Variants in ZNF581 observed in about 807,000 individuals in gnomAD.
ZNF581 encodes the protein zinc finger protein 581.
A neutral mutation model predicts 1.2 loss-of-function variants in ZNF581; 1 was observed. That is an observed-to-expected ratio of 0.83 (90% CI 0.30 to 3.95). ZNF581 has a LOEUF of 3.95. Ranked by LOEUF, ZNF581 falls within the 30% of genes most tolerant of loss-of-function variation. The probability of loss-of-function intolerance (pLI) is 0.18; values close to 1 mark genes in which losing one functional copy is unlikely to be tolerated. For missense variants in ZNF581, 273 were observed against 274.6 expected, an observed-to-expected ratio of 0.99 and a Z score of 0.04; for synonymous variants, 105 against 109.2, an observed-to-expected ratio of 0.96 and a Z score of 0.24.
At chr19:55,640,983 T>A, upstream of ZNF581, 1 of 985,334 alleles carries the variant, frequency 1.0e-6, no homozygotes, top group Non-Finnish European at 1.2e-6. Flanking sequence ...CGCACTGGGC[T>A]CGCGCGCTTC....
At position 55,644,840 on chromosome 19, in the gene ZNF581, C is replaced by T; in HGVS notation, c.269C>T (p.Pro90Leu). 6.2e-7 allele frequency: 1 copy of T among 1,612,930 alleles called. No homozygotes were observed. The highest frequency in any genetic ancestry group is 8.5e-7 in the Non-Finnish European group (1 of 1,178,986). ...GGCCAGAAAAAGTGCTACAGCTGCCCCGTGTGCTCAAGGGTCTTCGAGTAC... is the reference window on the plus strand; with the variant it reads ...GGCCAGAAAAAGTGCTACAGCTGCCTCGTGTGCTCAAGGGTCTTCGAGTAC... ...APGQKKCYSCPVCSRVFEYMS... is the reference protein window; with the variant it reads ...APGQKKCYSCLVCSRVFEYMS... The change falls in exon 2 of 2, where the codon CCC becomes CTC. Residue 90 changes from proline to leucine, a missense_variant. Transcript: ENST00000270451. The surrounding 1 kb of genome is among the most constrained non-coding windows in gnomAD (Gnocchi z 4.3).
In ZNF581 at chr19:55,644,195, G is replaced by A. The variant is rs1259393720; in HGVS notation, c.-19-358G>A. On this transcript the variant is annotated intron_variant, in intron 1 of 1. Transcript: ENST00000270451. The surrounding 1 kb of genome is among the most constrained non-coding windows in gnomAD (Gnocchi z 4.3). ...GGCCAACACGCAGACCCTGGAAAGG[G>A]CTAGAAGGAGGGGAGGGAGAGGCCT... Among the ~76,000 whole-genome samples the A allele has an allele frequency of 6.6e-6, 1 of 152,064 alleles. No individual in the cohort carries two copies. The highest frequency in any genetic ancestry group is 1.5e-5 in the Non-Finnish European group (1 of 67,984).
At chr19:55,641,227 C>A, upstream of ZNF581, 1 of 973,840 alleles carries the variant, frequency 1.0e-6, no homozygotes, top group Non-Finnish European at 1.2e-6. Flanking sequence ...CCTGGGACGA[C>A]GCCGGGGCCA....
At chr19:55,636,509 C>T (rs562907757), upstream of ZNF581, among the ~76,000 whole-genome samples, 8 of 152,156 alleles carry the variant, frequency 5.3e-5, no homozygotes, top group South Asian at 2.1e-4. Context: ...TTGGATGGGG[C>T]GATCAAATTC....
upstream of ZNF581, chr19:55,640,969 C>G (rs1982421988): frequency 1.0e-6 from 1 of 985,260 alleles, no homozygotes; most frequent in African/African-American, 1.7e-5. Flanking sequence ...GGCGGCGGAA[C>G]CTCCGCACTG....
chr19:55,635,827 C>A, intron 1 of ZNF581: 2 of 644,244 alleles, frequency 3.1e-6, no homozygotes, highest in Non-Finnish European at 3.9e-6. Flanking sequence ...AGCTGGTGGA[C>A]TGGTGAGCAG....
chr19:55,641,087 G>A, upstream of ZNF581: 4 of 985,254 alleles, frequency 4.1e-6, no homozygotes, highest in South Asian at 4.7e-5. Flanking sequence ...GGAGCTGCCC[G>A]GAAGTCTCGG....
upstream of ZNF581, among the ~76,000 whole-genome samples, chr19:55,638,490 C>T (rs1284382241): frequency 6.6e-6 from 1 of 152,150 alleles, no homozygotes; most frequent in Non-Finnish European, 1.5e-5. Context: ...CCGCCTCGCC[C>T]TCCCAAAGTG....
At chr19:55,642,802 C>T (rs767518634), upstream of ZNF581, 4 of 1,567,790 alleles carry the variant, frequency 2.6e-6, no homozygotes, top group African/African-American at 5.4e-5. Context: ...CGGAGTGCGC[C>T]CGTGTCTTTG....
At chr19:55,636,027 C>A (rs1286048222) in intron 1 of ZNF581, among the ~76,000 whole-genome samples, 5 of 152,076 alleles carry the variant, frequency 3.3e-5, no homozygotes. Flanking sequence ...GTGCTTGGAG[C>A]ACAGGAATGA....
upstream of ZNF581, chr19:55,641,314 G>A: frequency 5.0e-6 from 3 of 594,840 alleles, no homozygotes; most frequent in African/African-American, 2.0e-5. Flanking sequence ...GCGGAGGGAC[G>A]GGAGGGGAAG....
upstream of ZNF581, chr19:55,642,888 A>G (rs930241336): frequency 2.6e-6 from 4 of 1,560,466 alleles, no homozygotes; most frequent in Admixed American, 3.6e-5. Context: ...GCCTGCGGCA[A>G]GGCCTTCAAG....
Position 55,645,028 on chromosome 19 carries a change from C to G in ZNF581, c.457C>G (p.Arg153Gly). 1 of 1,590,650 alleles carries G rather than the reference C, an allele frequency of 6.3e-7. No individual in the cohort carries two copies. Among genetic ancestry groups the G allele is most frequent in the Non-Finnish European group, 8.6e-7 (1 of 1,163,064 alleles). The change falls in exon 2 of 2, where the codon CGC (arginine) becomes GGC (glycine). Residue 153 changes from arginine to glycine, a missense_variant. By Grantham distance (125) the Arg-to-Gly change is moderately radical. Coordinates refer to ENST00000270451, the MANE Select transcript of ZNF581 (RefSeq NM_016535.4). ...CCACGGCTGCCCGCTCTGCCCTCGCCGCTTCCGGGATGCGGGTGAGCTGGC... is the reference window on the plus strand; with the variant it reads ...CCACGGCTGCCCGCTCTGCCCTCGCGGCTTCCGGGATGCGGGTGAGCTGGC... ...RPHGCPLCPR[R>G]FRDAGELAQH...
chr19:55,637,886 C>T (rs771504208), upstream of ZNF581, among the ~76,000 whole-genome samples: 1 of 152,078 alleles, frequency 6.6e-6, no homozygotes. Context: ...TGGCTGTTCC[C>T]GAGTGAGGGC....
upstream of ZNF581, chr19:55,642,334 C>T: frequency 7.9e-7 from 1 of 1,263,798 alleles, no homozygotes; most frequent in Non-Finnish European, 9.9e-7. Flanking sequence ...CTTGATGGAA[C>T]GTGGGAGAGC....
At chr19:55,639,953 G>C (rs1218074763), upstream of ZNF581, among the ~76,000 whole-genome samples, 4 of 152,218 alleles carry the variant, frequency 2.6e-5, no homozygotes, top group South Asian at 6.2e-4. Flanking sequence ...CAGGTCCTCT[G>C]ATACACCAGC....
Position 55,644,835 on chromosome 19 carries a change from C to G in ZNF581, c.264C>G (p.Ser88Arg), listed in dbSNP as rs759021594. 2 of 1,612,696 alleles carry G rather than the reference C, an allele frequency of 1.2e-6. No individual in the cohort carries two copies. The highest frequency in any genetic ancestry group is 3.3e-5 in the Admixed American group (2 of 59,982). Residue 88 changes from serine to arginine, a missense_variant, in exon 2 of 2, where the codon AGC becomes AGG. Coordinates refer to ENST00000270451, the MANE Select transcript of ZNF581 (RefSeq NM_016535.4). This position sits in a 1 kb window ranked among gnomAD's most constrained non-coding sequence, Gnocchi z 4.3. ...SGAPGQKKCY[S>R]CPVCSRVFEY... Reference sequence around the variant, plus strand: ...CTCCAGGCCAGAAAAAGTGCTACAGCTGCCCCGTGTGCTCAAGGGTCTTCG... The same window carrying G: ...CTCCAGGCCAGAAAAAGTGCTACAGGTGCCCCGTGTGCTCAAGGGTCTTCG...
At chr19:55,641,238 G>A, upstream of ZNF581, 1 of 972,064 alleles carries the variant, frequency 1.0e-6, no homozygotes, top group Non-Finnish European at 1.2e-6. Context: ...GCCGGGGCCA[G>A]GCAGGCTGGG....
At chr19:55,640,298 C>T (rs1982373597), upstream of ZNF581, 2 of 985,362 alleles carry the variant, frequency 2.0e-6, no homozygotes, top group Non-Finnish European at 2.4e-6. Context: ...GCAGCCAGCG[C>T]CCGGGCCTCA....
Sources: allele counts gnomAD v4.1 joint callset (sites outside exome capture counted in the v4.1 genomes callset), GRCh38; gene constraint gnomAD v4.1.1; non-coding constraint Gnocchi (gnomAD v3.1); transcripts MANE v1.5; gene names NCBI Gene and HGNC (gene_info 2026-07-23, HGNC 2026-07-21).